Variants in CACNA1C observed in about 807,000 individuals in gnomAD.
The protein encoded by CACNA1C is voltage-dependent L-type calcium channel subunit alpha-1C.
CACNA1C carries 30 observed loss-of-function variants against 229.0 expected under a neutral mutation model. That is an observed-to-expected ratio of 0.13 (90% CI 0.10 to 0.18). The LOEUF is 0.18. Ranked by LOEUF, CACNA1C falls within the 10% of genes least tolerant of loss-of-function variation. The pLI is 1.00. For missense variants in CACNA1C, 1,658 were observed against 2,845.0 expected, an observed-to-expected ratio of 0.58 and a Z score of 9.49; for synonymous variants, 1,114 against 1,132.5, an observed-to-expected ratio of 0.98 and a Z score of 0.33.
At chr12:2,475,007 A>G (rs1336342200) in intron 5 of CACNA1C, among the ~76,000 whole-genome samples, 2 of 152,120 alleles carry the variant, frequency 1.3e-5, no homozygotes, top group African/African-American at 4.8e-5. Flanking sequence ...ATTGTGTGAA[A>G]ATAAGGTTTT....
chr12:2,338,771 G>A (rs1394026863), intron 3 of CACNA1C, among the ~76,000 whole-genome samples: 1 of 152,130 alleles, frequency 6.6e-6, no homozygotes, highest in Admixed American at 6.6e-5. Flanking sequence ...CTTGGGGGTG[G>A]AATAGGGCTC....
chr12:2,438,733 A>G (rs1245937377), intron 3 of CACNA1C, among the ~76,000 whole-genome samples: 1 of 152,004 alleles, frequency 6.6e-6, no homozygotes, highest in Non-Finnish European at 1.5e-5. Flanking sequence ...TTCGAGCAGT[A>G]AAACTCCCTA....
intron 1 of CACNA1C, among the ~76,000 whole-genome samples, chr12:2,111,027 G>A (rs2081507043): frequency 1.0e-5 from 1 of 95,708 alleles, no homozygotes; most frequent in African/African-American, 3.5e-5. Flanking sequence ...TCACCTGTGT[G>A]CGGCTCTGCA....
At chr12:2,674,735 G>A (rs564630055) in intron 39 of CACNA1C, 93 bp downstream of exon 39, 120 of 1,211,018 alleles carry the variant, frequency 9.9e-5, no homozygotes, top group African/African-American at 5.4e-4. Flanking sequence ...CTTAGAATGC[G>A]GAAGCATCCC....
intron 3 of CACNA1C, among the ~76,000 whole-genome samples, chr12:2,229,596 T>A (rs538340330): frequency 2.6e-5 from 4 of 151,462 alleles, no homozygotes; most frequent in Non-Finnish European, 5.9e-5. Context: ...GGGAATGGGG[T>A]GTGAGTGGAG....
intron 3 of CACNA1C, among the ~76,000 whole-genome samples, chr12:2,140,048 C>A (rs931376469): frequency 2.6e-5 from 4 of 151,354 alleles, no homozygotes; most frequent in African/African-American, 9.7e-5. Flanking sequence ...GTGACCCAGG[C>A]AGCTCCTGGT....
rs987075667 is a variant in CACNA1C, at chr12:2,194,926, G to A, written c.477+74496G>A. On this transcript the variant is annotated intron_variant, in intron 3 of 46. Transcript: ENST00000399655. The stretch of plus-strand genomic sequence containing the variant: ...ATCTAAGGTCTTCTGAGGACATTGG[G>A]GACACTTTATTCCCAAGAGCAAACA... Among the ~76,000 whole-genome samples, 27 of 152,268 alleles carry A rather than the reference G, an allele frequency of 1.8e-4. No homozygotes were observed. In the Middle Eastern group the frequency reaches 0.01, roughly 58 times the overall value.
intron 3 of CACNA1C, among the ~76,000 whole-genome samples, chr12:2,135,704 C>G (rs959971586): frequency 6.9e-6 from 1 of 145,816 alleles, no homozygotes; most frequent in Non-Finnish European, 1.5e-5. Context: ...CCACTGCTCT[C>G]TTCAAAGCTG....
chr12:2,505,142 A>T (rs1261845222), intron 8 of CACNA1C, among the ~76,000 whole-genome samples, 197 bp downstream of exon 8: 1 of 151,902 alleles, frequency 6.6e-6, no homozygotes, highest in Non-Finnish European at 1.5e-5. Flanking sequence ...TGGACAATGG[A>T]GGAGAGCTGG....
At position 2,493,664 on chromosome 12, in the gene CACNA1C, A is replaced by T. The variant is rs1005660720; in HGVS notation, c.1113+278A>T. Among the ~76,000 whole-genome samples, 37 of 152,180 alleles carry T rather than the reference A, an allele frequency of 2.4e-4. No homozygotes were observed. Among genetic ancestry groups the T allele is most frequent in the Non-Finnish European group, 1.3e-4 (9 of 67,998 alleles). The stretch of plus-strand genomic sequence containing the variant: ...GCAAAACCCTGGTGTGCAGGCATGG[A>T]TGAGCTGGCCAGGCTGGCACAAGGG... On this transcript the variant is annotated intron_variant, in intron 7 of 46. Transcript: ENST00000399655. This position sits in a 1 kb window ranked among gnomAD's most constrained non-coding sequence, Gnocchi z 4.6.
chr12:2,259,212 A>G (rs1229497482), intron 3 of CACNA1C, among the ~76,000 whole-genome samples: 1 of 152,202 alleles, frequency 6.6e-6, no homozygotes. Flanking sequence ...CCGATTCTAC[A>G]AAAAGGAAGC....
intron 6 of CACNA1C, among the ~76,000 whole-genome samples, chr12:2,490,235 T>G (rs943994682): frequency 6.6e-6 from 1 of 152,248 alleles, no homozygotes; most frequent in Non-Finnish European, 1.5e-5. Context: ...TGCCATTTTC[T>G]TTTTCGCAGA....
intron 3 of CACNA1C, among the ~76,000 whole-genome samples, chr12:2,139,516 G>A (rs1214472702): frequency 6.6e-6 from 1 of 151,278 alleles, no homozygotes; most frequent in Non-Finnish European, 1.5e-5. Context: ...GCGCATGTCT[G>A]TGAGGGCCAG....
At chr12:2,027,446 C>G (rs1286113157) in intron 1 of CACNA1C, among the ~76,000 whole-genome samples, 1 of 152,204 alleles carries the variant, frequency 6.6e-6, no homozygotes, top group Admixed American at 6.5e-5. Context: ...CTCCTAGATA[C>G]TGAAAATAAA....
chr12:2,585,599 GAC>G lies in CACNA1C; in HGVS notation c.2460+106_2460+107del, dbSNP rs2062117305. ...CTGTGGAGAAGAGGAGAGAAAGAAAGACACCCAGTGGAAAGAAAGCCAGTGGG... is the reference window on the plus strand; with the variant it reads ...CTGTGGAGAAGAGGAGAGAAAGAAAGACCCAGTGGAAAGAAAGCCAGTGGG... On this transcript the variant is annotated intron_variant, in intron 17 of 46. Transcript: ENST00000399655. The surrounding 1 kb of genome is among the most constrained non-coding windows in gnomAD (Gnocchi z 4.1). The G allele has an allele frequency of 7.4e-7, 1 of 1,358,738 alleles. No homozygotes were observed. The highest frequency in any genetic ancestry group is 1.5e-5 in the African/African-American group (1 of 67,742). 84.2% of individuals were successfully genotyped at this position (1,358,738 alleles called of 1,614,324 possible).
At chr12:2,483,290 G>A (rs7135220) in intron 5 of CACNA1C, among the ~76,000 whole-genome samples, 96,692 of 152,132 alleles carry the variant, frequency 0.64, 31,611 homozygotes, top group East Asian at 0.88. Flanking sequence ...AGGTGACAGG[G>A]AGTCACTGGG....
intron 30 of CACNA1C, chr12:2,641,715 GA>G (rs1568997687): frequency 1.4e-6 from 1 of 702,546 alleles, no homozygotes; most frequent in Non-Finnish European, 2.6e-6. Flanking sequence ...ACCTTGAAGA[GA>G]AGGCGATGCT....
chr12:2,109,437 T>C (rs902153261), intron 1 of CACNA1C, among the ~76,000 whole-genome samples: 2 of 152,140 alleles, frequency 1.3e-5, no homozygotes, highest in Admixed American at 1.3e-4. Context: ...ACATTCTAAG[T>C]ACATGCAAAG....
At chr12:2,147,580 G>A (rs144918309) in intron 3 of CACNA1C, among the ~76,000 whole-genome samples, 1 of 151,298 alleles carries the variant, frequency 6.6e-6, no homozygotes, top group Non-Finnish European at 1.5e-5. Flanking sequence ...AAGCAGAAAG[G>A]TGAGAGAGTG....
Sources: allele counts gnomAD v4.1 joint callset (sites outside exome capture counted in the v4.1 genomes callset), GRCh38; gene constraint gnomAD v4.1.1; non-coding constraint Gnocchi (gnomAD v3.1); transcripts MANE v1.5; gene names NCBI Gene and HGNC (gene_info 2026-07-23, HGNC 2026-07-21).